IGFBP2: variants seen among roughly 807,000 people sequenced by gnomAD.
The protein encoded by IGFBP2 is insulin-like growth factor-binding protein 2.
IGFBP2 carries 12 observed loss-of-function variants against 26.2 expected under a neutral mutation model. The ratio of observed to expected loss-of-function variants is 0.46; its 90% CI spans 0.29 to 0.74. The LOEUF (loss-of-function observed/expected upper bound fraction) is 0.74. IGFBP2 is among the 30% of genes least tolerant of loss of function. The pLI, the probability that IGFBP2 is intolerant of heterozygous loss-of-function variation, is 0.09. For synonymous variants in IGFBP2, 189 were observed against 200.6 expected (o/e 0.94, Z 0.49); for missense variants, 328 against 441.2 (o/e 0.74, Z 2.30).
intron 1 of IGFBP2, among the ~76,000 whole-genome samples, chr2:216,655,071 A>G (rs1452639628): frequency 2.0e-5 from 3 of 150,584 alleles, no homozygotes; most frequent in Non-Finnish European, 4.4e-5. Flanking sequence ...TTTTTGAGAC[A>G]GGGGCTCACT....
intron 1 of IGFBP2, among the ~76,000 whole-genome samples, chr2:216,651,949 A>G (rs1697833596): frequency 6.6e-6 from 1 of 151,882 alleles, no homozygotes; most frequent in African/African-American, 2.4e-5. Context: ...TTTGGTAGAG[A>G]CAGGTTTTTG....
intron 1 of IGFBP2, among the ~76,000 whole-genome samples, chr2:216,644,282 G>T (rs1430192918): frequency 6.6e-6 from 1 of 152,248 alleles, no homozygotes; most frequent in East Asian, 1.9e-4. Flanking sequence ...AGGGAAGATT[G>T]GGGAGAAGGG....
intron 1 of IGFBP2, among the ~76,000 whole-genome samples, chr2:216,635,388 C>T (rs869564): frequency 0.1 from 15,505 of 152,146 alleles, 932 homozygotes; most frequent in East Asian, 0.26. Flanking sequence ...CCACGAAATC[C>T]TTTCACTGCG....
intron 1 of IGFBP2, among the ~76,000 whole-genome samples, chr2:216,634,514 T>A (rs1697453571): frequency 6.6e-6 from 1 of 152,050 alleles, no homozygotes. Flanking sequence ...GTAGGATGAG[T>A]CGCTTAGGAG....
intron 1 of IGFBP2, among the ~76,000 whole-genome samples, chr2:216,639,561 T>TC (rs1697571485): frequency 9.8e-6 from 1 of 102,342 alleles, no homozygotes; most frequent in African/African-American, 2.6e-5. Context: ...GAAAAAAGCT[T>TC]GTTTTTTTTT....
chr2:216,634,716 TG>T (rs1697458613), intron 1 of IGFBP2, among the ~76,000 whole-genome samples: 1 of 152,090 alleles, frequency 6.6e-6, no homozygotes, highest in South Asian at 2.1e-4. Context: ...GTTTCGCATC[TG>T]GGCCCCAGAT....
intron 1 of IGFBP2, among the ~76,000 whole-genome samples, chr2:216,638,870 T>C (rs552150013): frequency 3.7e-4 from 56 of 149,982 alleles, no homozygotes; most frequent in African/African-American, 1.3e-3. Context: ...CGGCTAACTT[T>C]TTGTATTTTT....
chr2:216,652,204 G>C (rs1349382340), intron 1 of IGFBP2, among the ~76,000 whole-genome samples: 2 of 126,086 alleles, frequency 1.6e-5, no homozygotes, highest in South Asian at 4.9e-4. Flanking sequence ...ACTGAGCTTT[G>C]CTCTTGTTGC....
intron 1 of IGFBP2, among the ~76,000 whole-genome samples, chr2:216,654,768 T>C (rs1011128916): frequency 2.6e-5 from 4 of 152,198 alleles, no homozygotes; most frequent in Non-Finnish European, 5.9e-5. Flanking sequence ...CTTCATCTTA[T>C]TGGCATGTTC....
chr2:216,649,911 G>A (rs1249253175), intron 1 of IGFBP2, among the ~76,000 whole-genome samples: 2 of 152,210 alleles, frequency 1.3e-5, no homozygotes, highest in Non-Finnish European at 2.9e-5. Flanking sequence ...CGCCAGGCCA[G>A]GAGAGGCCCC....
chr2:216,660,966 C>T (rs1688629844), intron 2 of IGFBP2, 180 bp downstream of exon 2: 12 of 602,830 alleles, frequency 2.0e-5, no homozygotes, highest in Non-Finnish European at 3.6e-5. Flanking sequence ...GTATCTCTGG[C>T]TGTGAAATAG....
Position 216,664,065 on chromosome 2 carries a change from G to C in IGFBP2, c.939G>C (p.Gln313His). Residue 313 changes from glutamine (Q) to histidine (H), a missense_variant, in exon 4 of 4, where the codon CAG becomes CAC. Transcript: ENST00000233809. The surrounding 1 kb of genome is among the most constrained non-coding windows in gnomAD (Gnocchi z 4.6). ...AGTGTCATCTCTTCTACAATGAGCA[G>C]CAGGAGGCTCGCGGGGTGCACACCC... ...DPECHLFYNE[Q>H]QEARGVHTQR... 1 of 1,613,386 alleles carries C rather than the reference G, an allele frequency of 6.2e-7. No homozygotes were observed. Among genetic ancestry groups the C allele is most frequent in the South Asian group, 1.1e-5 (1 of 90,978 alleles).
At chr2:216,661,816 G>A (rs770969896) in intron 2 of IGFBP2, 42 bp from the exon 3 acceptor site, 4 of 1,612,574 alleles carry the variant, frequency 2.5e-6, no homozygotes, top group Non-Finnish European at 3.4e-6. Context: ...TCGTGGGCCT[G>A]CTGTCCTCAC....
At chr2:216,643,876 G>A (rs1047539524) in intron 1 of IGFBP2, among the ~76,000 whole-genome samples, 3 of 152,206 alleles carry the variant, frequency 2.0e-5, no homozygotes, top group African/African-American at 7.2e-5. Flanking sequence ...CAGTTCCAGA[G>A]TAATTTCACC....
At chr2:216,643,151 T>G (rs1190845668) in intron 1 of IGFBP2, among the ~76,000 whole-genome samples, 2 of 152,186 alleles carry the variant, frequency 1.3e-5, no homozygotes, top group African/African-American at 4.8e-5. Flanking sequence ...GATGCCAGAA[T>G]GCACTGAACT....
chr2:216,638,742 C>G (rs1008113016), intron 1 of IGFBP2, among the ~76,000 whole-genome samples: 1 of 151,784 alleles, frequency 6.6e-6, no homozygotes, highest in African/African-American at 2.4e-5. Flanking sequence ...CTCTCTTGCC[C>G]AGGCTGGAGT....
At chr2:216,647,405 T>C (rs1697731240) in intron 1 of IGFBP2, among the ~76,000 whole-genome samples, 1 of 152,246 alleles carries the variant, frequency 6.6e-6, no homozygotes. Context: ...GACCTACAGC[T>C]TTTTGGCAAT....
At chr2:216,661,507 G>A in intron 2 of IGFBP2, 1 of 386,634 alleles carries the variant, frequency 2.6e-6, no homozygotes, top group Non-Finnish European at 5.0e-6. Context: ...TGGTTTTATG[G>A]AAAGAAGTGG....
chr2:216,643,934 A>AT (rs1304721189), intron 1 of IGFBP2, among the ~76,000 whole-genome samples: 5 of 151,190 alleles, frequency 3.3e-5, no homozygotes, highest in African/African-American at 7.3e-5. Flanking sequence ...TGGGATGTCG[A>AT]TTTTTTTTTC....
Sources: gnomAD v4.1 joint callset for allele counts (sites outside exome capture counted in the v4.1 genomes callset) on GRCh38, gnomAD v4.1.1 for gene constraint, Gnocchi (gnomAD v3.1) non-coding constraint, MANE v1.5 for transcripts, NCBI Gene and HGNC (gene_info 2026-07-23, HGNC 2026-07-21) for gene names.